Variants in KCNAB1 observed in about 807,000 individuals in gnomAD.
KCNAB1 encodes the protein voltage-gated potassium channel subunit beta-1.
In KCNAB1, 35 loss-of-function variants were observed where a neutral mutation model predicts 64.6. The ratio of observed to expected loss-of-function variants is 0.54; its 90% CI spans 0.41 to 0.72. The LOEUF (loss-of-function observed/expected upper bound fraction) is 0.72. Ranked by LOEUF, KCNAB1 falls within the 30% of genes least tolerant of loss-of-function variation. The pLI is 0.00. For missense variants in KCNAB1, 401 were observed against 512.9 expected, an observed-to-expected ratio of 0.78 and a Z score of 2.11; for synonymous variants, 177 against 183.8, an observed-to-expected ratio of 0.96 and a Z score of 0.30.
chr3:156,160,165 G>C (rs2108308417), intron 1 of KCNAB1, among the ~76,000 whole-genome samples: 1 of 152,304 alleles, frequency 6.6e-6, no homozygotes. Context: ...GAAACAGCAT[G>C]TTTGAAGGCC....
chr3:156,161,853 A>C (rs1461808545), intron 1 of KCNAB1, among the ~76,000 whole-genome samples: 1 of 152,256 alleles, frequency 6.6e-6, no homozygotes, highest in Admixed American at 6.5e-5. Flanking sequence ...GTATGTTTAC[A>C]TAATAGTATT....
chr3:156,405,953 T>C (rs1714218792), intron 1 of KCNAB1, among the ~76,000 whole-genome samples: 1 of 152,196 alleles, frequency 6.6e-6, no homozygotes, highest in Non-Finnish European at 1.5e-5. Flanking sequence ...TTGGAGCTCT[T>C]GATTCAATAT....
intron 1 of KCNAB1, among the ~76,000 whole-genome samples, chr3:156,275,255 A>G (rs1404448148): frequency 6.6e-6 from 1 of 152,240 alleles, no homozygotes; most frequent in African/African-American, 2.4e-5. Flanking sequence ...GTACAATAGC[A>G]TGTCTAAAAA....
intron 12 of KCNAB1, 30 bp downstream of exon 12, chr3:156,523,977 A>T: frequency 6.2e-7 from 1 of 1,605,322 alleles, no homozygotes; most frequent in Middle Eastern, 1.7e-4. Context: ...ATGGGGTGGT[A>T]GAGGGACTTC....
At chr3:156,148,806 C>T (rs183552386) in intron 1 of KCNAB1, among the ~76,000 whole-genome samples, 72 of 151,824 alleles carry the variant, frequency 4.7e-4, no homozygotes, top group Non-Finnish European at 7.9e-4. Context: ...TAGAATATTG[C>T]ACAATTCTGA....
chr3:156,514,371 C>T lies in KCNAB1; in HGVS notation c.666C>T (p.Val222=). The T allele has an allele frequency of 4.3e-6, 7 of 1,613,644 alleles. No homozygotes were observed. The highest frequency in any genetic ancestry group is 5.9e-6 in the Non-Finnish European group (7 of 1,179,586). Residue 222 remains valine (V), a synonymous_variant, in exon 9 of 14, where the codon GTC becomes GTT. Transcript: ENST00000490337. ...CTGTTTGACCTTCCACAGAAATTGT[C>T]CGAGCCATGACACATGTGATAAACC... The part of the protein sequence containing the change: ...PDSNTPMEEI[V]RAMTHVINQG...
intron 1 of KCNAB1, among the ~76,000 whole-genome samples, chr3:156,226,507 C>T (rs746657171): frequency 1.3e-5 from 2 of 152,068 alleles, no homozygotes; most frequent in East Asian, 1.9e-4. Context: ...TTAGACAAGA[C>T]GTCATGACCA....
At chr3:156,128,588 C>T (rs1713805249) in intron 1 of KCNAB1, among the ~76,000 whole-genome samples, 1 of 152,276 alleles carries the variant, frequency 6.6e-6, no homozygotes, top group African/African-American at 2.4e-5. Flanking sequence ...TGACATAGAG[C>T]AGGTGTTCTC....
intron 1 of KCNAB1, among the ~76,000 whole-genome samples, chr3:156,149,963 T>C (rs570252552): frequency 5.3e-5 from 8 of 152,190 alleles, no homozygotes; most frequent in Admixed American, 1.3e-4. Flanking sequence ...TGAAAATCAA[T>C]AGCCTAGAAA....
At position 156,348,988 on chromosome 3, in the gene KCNAB1, A is replaced by G. The variant is rs554200878; in HGVS notation, c.276-72628A>G. ...TTTTATTAGATCATGCTATCAGCCT[A>G]TACTGAAGAACGTTATAAGAAATCA... On this transcript the variant is annotated intron_variant, in intron 1 of 13. Transcript: ENST00000490337. 2.0e-5 allele frequency among the ~76,000 whole-genome samples: 3 copies of G among 152,324 alleles called. No individual in the cohort carries two copies. The South Asian group carries it at 6.2e-4, about 32-fold the overall frequency.
chr3:156,268,461 G>T (rs533569837), intron 1 of KCNAB1, among the ~76,000 whole-genome samples: 1 of 152,174 alleles, frequency 6.6e-6, no homozygotes, highest in South Asian at 2.1e-4. Flanking sequence ...ATTCTCCATG[G>T]TAGTTGTACT....
chr3:156,463,892 G>A, intron 6 of KCNAB1, 146 bp downstream of exon 6: 3 of 568,286 alleles, frequency 5.3e-6, no homozygotes, highest in Admixed American at 3.9e-5. Context: ...CTCACACTAA[G>A]GAAATAGCAA....
At chr3:156,354,209 T>C (rs1234081806) in intron 1 of KCNAB1, among the ~76,000 whole-genome samples, 1 of 149,538 alleles carries the variant, frequency 6.7e-6, no homozygotes, top group African/African-American at 2.5e-5. Context: ...CAGGCTGGAG[T>C]GTAATGGCGT....
intron 1 of KCNAB1, 152 bp from the exon 2 acceptor site, chr3:156,421,464 G>A: frequency 4.4e-6 from 3 of 679,418 alleles, no homozygotes; most frequent in Non-Finnish European, 7.5e-6. Context: ...ATGCAAGGGA[G>A]ACCTGTCTCA....
chr3:156,273,524 A>G (rs1434908992), intron 1 of KCNAB1: 1 of 453,602 alleles, frequency 2.2e-6, no homozygotes, highest in Non-Finnish European at 4.4e-6. Flanking sequence ...ACAGTTTTAC[A>G]ATTGCTGCAC....
At chr3:156,135,142 T>C (rs1714261867) in intron 1 of KCNAB1, among the ~76,000 whole-genome samples, 3 of 151,920 alleles carry the variant, frequency 2.0e-5, no homozygotes, top group Admixed American at 2.0e-4. Context: ...AATTACAGGC[T>C]TCTGCCACCA....
chr3:156,399,118 T>C (rs2108186798), intron 1 of KCNAB1, among the ~76,000 whole-genome samples: 1 of 152,354 alleles, frequency 6.6e-6, no homozygotes, highest in Middle Eastern at 3.4e-3. Context: ...CTCATGATTA[T>C]TTTATTGGAT....
chr3:156,279,213 G>A lies in KCNAB1; in HGVS notation c.276-142403G>A, dbSNP rs1221047966. 1.1e-4 allele frequency among the ~76,000 whole-genome samples: 16 copies of A among 149,068 alleles called. No homozygotes were observed. The South Asian group carries it at 1.3e-3, about 12-fold the overall frequency. On this transcript the variant is annotated intron_variant, in intron 1 of 13. Coordinates refer to ENST00000490337, the MANE Select transcript of KCNAB1 (RefSeq NM_172160.3). ...TTCCCACCTATGAGTGAGAATATGC[G>A]GTGTTTGGTTTTTTGTTCTTGCGAT...
At chr3:156,318,051 G>A (rs1460414035) in intron 1 of KCNAB1, among the ~76,000 whole-genome samples, 1 of 152,172 alleles carries the variant, frequency 6.6e-6, no homozygotes, top group Non-Finnish European at 1.5e-5. Flanking sequence ...AAAAAGCCAA[G>A]CCTGCTTTAA....
Sources: gnomAD v4.1 joint callset for allele counts (sites outside exome capture counted in the v4.1 genomes callset) on GRCh38, gnomAD v4.1.1 for gene constraint, MANE v1.5 for transcripts, NCBI Gene and HGNC (gene_info 2026-07-23, HGNC 2026-07-21) for gene names.